ATP6V0A4: variants seen among roughly 807,000 people sequenced by gnomAD.
ATP6V0A4 encodes V-type proton ATPase 116 kDa subunit a 4.
Under a neutral mutation model 107.3 loss-of-function variants are expected in ATP6V0A4, and 86 were observed. The ratio of observed to expected loss-of-function variants is 0.80; its 90% CI spans 0.67 to 0.96. The LOEUF (loss-of-function observed/expected upper bound fraction) is 0.96, where lower values mean the gene tolerates loss of function less well. Among genes scored for constraint, ATP6V0A4 ranks in the 40% least tolerant of loss-of-function variants. ATP6V0A4 has a pLI of 0.00. For synonymous variants in ATP6V0A4, 353 were observed against 381.4 expected (o/e 0.93, Z 0.87); for missense variants, 908 against 1,045.6 (o/e 0.87, Z 1.81).
intron 21 of ATP6V0A4, among the ~76,000 whole-genome samples, chr7:138,707,095 TA>T (rs1287315078): frequency 1.8e-5 from 2 of 110,796 alleles, no homozygotes; most frequent in African/African-American, 7.1e-5. Context: ...TGTGTGTGTA[TA>T]ATATATCATA....
intron 12 of ATP6V0A4, 28 bp downstream of exon 12, chr7:138,749,139 C>A (rs1438348812): frequency 6.2e-7 from 1 of 1,613,356 alleles, no homozygotes; most frequent in Non-Finnish European, 8.5e-7. Flanking sequence ...TTCAAGCTAC[C>A]CAGTCGTGCA....
chr7:138,712,232 G>GC (rs11449495), intron 20 of ATP6V0A4, among the ~76,000 whole-genome samples: 21,027 of 152,070 alleles, frequency 0.14, 2,225 homozygotes, highest in African/African-American at 0.29. Flanking sequence ...ACCACGCCCA[G>GC]CCCCACTTTG....
At chr7:138,715,734 G>A in intron 20 of ATP6V0A4, 30 bp downstream of exon 20, 1 of 1,607,236 alleles carries the variant, frequency 6.2e-7, no homozygotes. Context: ...GGGGAGAGCT[G>A]ACTGTCCCCC....
At chr7:138,730,341 AGTGTGTGT>A (rs369725759) in intron 17 of ATP6V0A4, among the ~76,000 whole-genome samples, 2,315 of 140,100 alleles carry the variant, frequency 0.017, 48 homozygotes, top group African/African-American at 0.048. Flanking sequence ...CAACGGGATG[AGTGTGTGT>A]GTGTGTGTGT....
intron 18 of ATP6V0A4, among the ~76,000 whole-genome samples, chr7:138,725,534 G>A (rs546426301): frequency 8.6e-5 from 13 of 151,372 alleles, no homozygotes; most frequent in Admixed American, 5.9e-4. Context: ...TTTTTGAGAC[G>A]GAGTCTCGCT....
intron 5 of ATP6V0A4, among the ~76,000 whole-genome samples, chr7:138,767,906 T>A (rs901222565): frequency 1.3e-5 from 2 of 152,164 alleles, no homozygotes; most frequent in Non-Finnish European, 2.9e-5. Flanking sequence ...ACCTTGCACG[T>A]GGCAGGTATT....
intron 1 of ATP6V0A4, among the ~76,000 whole-genome samples, chr7:138,789,894 G>A (rs563481694): frequency 2.0e-4 from 31 of 151,348 alleles, no homozygotes; most frequent in Admixed American, 2.0e-4. Context: ...ACTTGAACCC[G>A]GGAGGCAGAT....
chr7:138,759,911 G>C (rs866923542), intron 7 of ATP6V0A4, 33 bp from the exon 8 acceptor site: 2 of 1,613,612 alleles, frequency 1.2e-6, no homozygotes, highest in African/African-American at 1.3e-5. Context: ...ATTCCTTAAG[G>C]CACAGGGATT....
At chr7:138,733,702 T>C (rs1461615588) in intron 16 of ATP6V0A4, among the ~76,000 whole-genome samples, 2 of 149,702 alleles carry the variant, frequency 1.3e-5, no homozygotes, top group Non-Finnish European at 3.0e-5. Context: ...CCCAGCCTCC[T>C]AAGTAGCTGG....
rs1329015958 is a variant in ATP6V0A4, at chr7:138,786,275, G to A, written c.-120-15C>T. On this transcript the variant is annotated splice_polypyrimidine_tract_variant and intron_variant, in intron 1 of 21. Transcript: ENST00000310018. ...TGGAAATGAGACTTAGGAAAATGAA[G>A]TTTTATCATAAAGAGAACAGAATGG... 5.9e-5 allele frequency: 9 copies of A among 152,188 alleles called. No homozygotes were observed. The highest frequency in any genetic ancestry group is 2.2e-4 in the African/African-American group (9 of 41,434). 9.4% of individuals were successfully genotyped at this position (152,188 alleles called of 1,614,324 possible).
intron 14 of ATP6V0A4, among the ~76,000 whole-genome samples, chr7:138,743,330 T>C (rs1399601826): frequency 1.3e-5 from 2 of 151,782 alleles, no homozygotes; most frequent in East Asian, 1.9e-4. Flanking sequence ...TGGTGGTGTG[T>C]GCCTGTAGTC....
chr7:138,765,254 C>G (rs183326368), intron 5 of ATP6V0A4, among the ~76,000 whole-genome samples: 1 of 152,258 alleles, frequency 6.6e-6, no homozygotes, highest in Admixed American at 6.5e-5. Context: ...CAGTTCCACT[C>G]CATTACCTCC....
At chr7:138,747,655 G>A in intron 12 of ATP6V0A4, 91 bp from the exon 13 acceptor site, 1 of 1,560,452 alleles carries the variant, frequency 6.4e-7, no homozygotes, top group East Asian at 2.4e-5. Flanking sequence ...CGATTTGCAT[G>A]CGGGTTTCCT....
chr7:138,770,258 GGGAA>G (rs891876009), intron 3 of ATP6V0A4, among the ~76,000 whole-genome samples: 2 of 151,412 alleles, frequency 1.3e-5, no homozygotes, highest in African/African-American at 2.4e-5. Context: ...AGAGAGGGAG[GGGAA>G]GGAAGGAAGA....
At chr7:138,710,392 A>G (rs946554765) in intron 20 of ATP6V0A4, among the ~76,000 whole-genome samples, 1 of 151,860 alleles carries the variant, frequency 6.6e-6, no homozygotes, top group African/African-American at 2.4e-5. Context: ...GGGTTTCACC[A>G]CGTTGGCCAG....
At chr7:138,792,767 TTTTTTTTTTTGTTG>T (rs1379971893) in intron 1 of ATP6V0A4, among the ~76,000 whole-genome samples, 3 of 69,346 alleles carry the variant, frequency 4.3e-5, no homozygotes, top group Non-Finnish European at 8.1e-5. Context: ...CTCAGGTTTG[TTTTTTTTTTTGTTG>T]TTTTGTTTTT....
At chr7:138,792,330 T>C (rs1051795886) in intron 1 of ATP6V0A4, among the ~76,000 whole-genome samples, 7 of 152,156 alleles carry the variant, frequency 4.6e-5, no homozygotes, top group African/African-American at 1.7e-4. Context: ...ATATTATCTA[T>C]GAAAGTGGTG....
At chr7:138,796,869 C>A (rs1258340856) in intron 1 of ATP6V0A4, among the ~76,000 whole-genome samples, 2 of 152,192 alleles carry the variant, frequency 1.3e-5, no homozygotes, top group Admixed American at 1.3e-4. Flanking sequence ...CTTTTATATA[C>A]ATGTGGGTCT....
chr7:138,713,761 A>G (rs1803872333), intron 20 of ATP6V0A4, among the ~76,000 whole-genome samples: 1 of 152,146 alleles, frequency 6.6e-6, no homozygotes. Flanking sequence ...AGGGGGCTGC[A>G]GGGGCAAACA....
Sources: allele counts gnomAD v4.1 joint callset (sites outside exome capture counted in the v4.1 genomes callset), GRCh38; gene constraint gnomAD v4.1.1; transcripts MANE v1.5; gene names NCBI Gene and HGNC (gene_info 2026-07-23, HGNC 2026-07-21).